SOHLH2: variants seen among roughly 807,000 people sequenced by gnomAD.
The protein encoded by SOHLH2 is spermatogenesis and oogenesis specific basic helix-loop-helix 2, also known as spermatogenesis- and oogenesis-specific basic helix-loop-helix-containing protein 2.
Under a neutral mutation model 50.4 loss-of-function variants are expected in SOHLH2, and 22 were observed. That is an observed-to-expected ratio of 0.44 (90% CI 0.31 to 0.62). The LOEUF (loss-of-function observed/expected upper bound fraction) is 0.62. Among genes scored for constraint, SOHLH2 ranks in the 20% least tolerant of loss-of-function variants. SOHLH2 has a pLI of 0.08. For synonymous variants in SOHLH2, 185 were observed against 187.3 expected, an observed-to-expected ratio of 0.99 and a Z score of 0.10; for missense variants, 412 against 504.4, an observed-to-expected ratio of 0.82 and a Z score of 1.76.
In SOHLH2 at chr13:36,193,786, T is replaced by C. The variant is rs748466452; in HGVS notation, c.325+20A>G. ...TTCTATTTAGAGAAAAAACAAATAC[T>C]ATATTTAGCAGGTACATACCTTTAA... On this transcript the variant is annotated intron_variant, in intron 3 of 10. Coordinates refer to ENST00000379881, the MANE Select transcript of SOHLH2 (RefSeq NM_017826.3). The C allele has an allele frequency of 1.9e-5, 31 of 1,602,972 alleles. No individual in the cohort carries two copies. The highest frequency in any genetic ancestry group is 2.5e-5 in the Non-Finnish European group (30 of 1,177,300).
At chr13:36,212,821 G>C (rs1292287379) in intron 1 of SOHLH2, among the ~76,000 whole-genome samples, 1 of 152,186 alleles carries the variant, frequency 6.6e-6, no homozygotes, top group African/African-American at 2.4e-5. Flanking sequence ...TTGTCACCAA[G>C]ACACTTCATC....
At chr13:36,188,473 T>C (rs1887487896) in intron 6 of SOHLH2, among the ~76,000 whole-genome samples, 1 of 152,204 alleles carries the variant, frequency 6.6e-6, no homozygotes, top group Non-Finnish European at 1.5e-5. Context: ...TCATTTCATC[T>C]GTGTTCCTGT....
chr13:36,173,858 T>C (rs779899864), intron 8 of SOHLH2, 48 bp from the exon 9 acceptor site: 1 of 1,603,278 alleles, frequency 6.2e-7, no homozygotes, highest in Non-Finnish European at 8.5e-7. Context: ...AGGAAAACAA[T>C]GTGGACACTG....
At chr13:36,193,184 T>C (rs1878073481) in intron 4 of SOHLH2, among the ~76,000 whole-genome samples, 1 of 152,202 alleles carries the variant, frequency 6.6e-6, no homozygotes, top group African/African-American at 2.4e-5. Flanking sequence ...GCATCTAAAA[T>C]CTGAAACAGA....
chr13:36,180,553 T>C (rs1268508346), intron 6 of SOHLH2, among the ~76,000 whole-genome samples: 1 of 152,130 alleles, frequency 6.6e-6, no homozygotes, highest in African/African-American at 2.4e-5. Context: ...GGTTTGCTGA[T>C]ATATTTTGTT....
intron 4 of SOHLH2, among the ~76,000 whole-genome samples, chr13:36,192,110 C>T (rs1887590564): frequency 6.6e-6 from 1 of 152,064 alleles, no homozygotes. Flanking sequence ...TATTATTTAC[C>T]CCGGGATACC....
chr13:36,171,749 G>T (rs1886966318), intron 9 of SOHLH2, among the ~76,000 whole-genome samples: 1 of 152,094 alleles, frequency 6.6e-6, no homozygotes, highest in Non-Finnish European at 1.5e-5. Flanking sequence ...AACTGCAAAT[G>T]CTAAATGTAG....
chr13:36,186,876 G>A (rs930222256), intron 6 of SOHLH2, among the ~76,000 whole-genome samples: 1 of 152,072 alleles, frequency 6.6e-6, no homozygotes, highest in Non-Finnish European at 1.5e-5. Flanking sequence ...TTGCCCTACT[G>A]CTTAAAAACA....
At chr13:36,172,088 G>A (rs1166520877) in intron 9 of SOHLH2, among the ~76,000 whole-genome samples, 1 of 152,094 alleles carries the variant, frequency 6.6e-6, no homozygotes, top group Non-Finnish European at 1.5e-5. Flanking sequence ...GGCCTCCTAG[G>A]GTTTGAACCT....
intron 1 of SOHLH2, among the ~76,000 whole-genome samples, chr13:36,209,024 C>T (rs1214967281): frequency 6.6e-6 from 1 of 152,124 alleles, no homozygotes; most frequent in Non-Finnish European, 1.5e-5. Flanking sequence ...CACAGTAGCT[C>T]TGAAAATTTT....
chr13:36,214,536 G>A lies in SOHLH2; in HGVS notation c.-10C>T. 1.2e-6 allele frequency: 2 copies of A among 1,609,982 alleles called. No homozygotes were observed. Among genetic ancestry groups the A allele is most frequent in the South Asian group, 1.1e-5 (1 of 89,922 alleles). ...TAATTGAGGAAGCCATGGCCGCTGC[G>A]CACGTGCTGGGTCCTGGGGCAGCCT... is the stretch of plus-strand genomic sequence containing the variant. On this transcript the variant is annotated 5_prime_UTR_variant, in exon 1 of 11. Transcript: ENST00000379881.
At chr13:36,210,180 G>C (rs1211428105) in intron 1 of SOHLH2, among the ~76,000 whole-genome samples, 1 of 152,126 alleles carries the variant, frequency 6.6e-6, no homozygotes, top group African/African-American at 2.4e-5. Context: ...GCTTTAGTAG[G>C]AGTGAGCTGG....
intron 6 of SOHLH2, among the ~76,000 whole-genome samples, chr13:36,183,505 A>G (rs1887316765): frequency 6.6e-6 from 1 of 152,184 alleles, no homozygotes; most frequent in Non-Finnish European, 1.5e-5. Context: ...AGTATACCTG[A>G]TAAATCCAAA....
intron 9 of SOHLH2, 57 bp downstream of exon 9, chr13:36,173,635 G>T: frequency 1.2e-6 from 2 of 1,601,326 alleles, no homozygotes; most frequent in East Asian, 2.2e-5. Flanking sequence ...GAGCCTGGGG[G>T]TTTGCAGGGC....
chr13:36,210,764 T>C (rs1251382805), intron 1 of SOHLH2, among the ~76,000 whole-genome samples: 3 of 152,196 alleles, frequency 2.0e-5, no homozygotes, highest in Admixed American at 1.3e-4. Context: ...TACTTCAAAC[T>C]TATTTCCTTC....
intron 4 of SOHLH2, among the ~76,000 whole-genome samples, chr13:36,192,299 C>G (rs1489484291): frequency 6.6e-6 from 1 of 152,126 alleles, no homozygotes; most frequent in Admixed American, 6.6e-5. Flanking sequence ...TTTTTTGCAG[C>G]TGCTCATCCT....
At chr13:36,191,181 AG>A (rs1284373351) in intron 5 of SOHLH2, among the ~76,000 whole-genome samples, 1 of 152,200 alleles carries the variant, frequency 6.6e-6, no homozygotes, top group Non-Finnish European at 1.5e-5. Context: ...TACCCAATCC[AG>A]GTTTGAATGC....
chr13:36,182,246 A>T, intron 6 of SOHLH2: 2 of 985,446 alleles, frequency 2.0e-6, no homozygotes, highest in South Asian at 9.4e-5. Context: ...AAAATCTTGT[A>T]TACAGTGAAG....
rs1886876254 is a variant in SOHLH2 at position 36,168,283 on chromosome 13, T to G, written c.*751A>C. ...CATATAAGAACAATTCAGTGAAATATAAAACAAACCTTTTTCCCCCTTATT... is the reference window on the plus strand; with the variant it reads ...CATATAAGAACAATTCAGTGAAATAGAAAACAAACCTTTTTCCCCCTTATT... On this transcript the variant is annotated 3_prime_UTR_variant, in exon 11 of 11. Transcript: ENST00000379881. The G allele has an allele frequency of 6.6e-6, 1 of 152,258 alleles. No homozygotes were observed. The highest frequency in any genetic ancestry group is 1.9e-4 in the East Asian group (1 of 5,192). 9.4% of individuals were successfully genotyped at this position (152,258 alleles called of 1,614,324 possible).
Sources: allele counts gnomAD v4.1 joint callset (sites outside exome capture counted in the v4.1 genomes callset), GRCh38; gene constraint gnomAD v4.1.1; transcripts MANE v1.5; gene names NCBI Gene and HGNC (gene_info 2026-07-23, HGNC 2026-07-21).